Variants in PCBP3 observed in about 807,000 individuals in gnomAD.
PCBP3 encodes the protein poly(rC) binding protein 3, also known as poly(rC)-binding protein 3.
Under a neutral mutation model 52.7 loss-of-function variants are expected in PCBP3, and 25 were observed. The observed-to-expected ratio is 0.47, with a 90% confidence interval of 0.35 to 0.66. PCBP3 has a LOEUF of 0.66. Ranked by LOEUF, PCBP3 falls within the 30% of genes least tolerant of loss-of-function variation. PCBP3 has a pLI of 0.01. For synonymous variants in PCBP3, 162 were observed against 183.0 expected (o/e 0.89, Z 0.93); for missense variants, 391 against 490.3 (o/e 0.80, Z 1.91).
At position 45,817,563 on chromosome 21, in the gene PCBP3, G is replaced by A. The variant is rs2093003618; in HGVS notation, c.-125-32398G>A. 2.0e-5 allele frequency among the ~76,000 whole-genome samples: 3 copies of A among 152,216 alleles called. No homozygotes were observed. The highest frequency in any genetic ancestry group is 2.1e-4 in the South Asian group (1 of 4,834). ...TGCCTTTTGTCCTCAGCCCCCCAGCGAGGCAGCAGCTTGTGTGTGTGCTGC... is the reference window on the plus strand; with the variant it reads ...TGCCTTTTGTCCTCAGCCCCCCAGCAAGGCAGCAGCTTGTGTGTGTGCTGC... On this transcript the variant is annotated intron_variant, in intron 4 of 17. Transcript: ENST00000681687. This position sits in a 1 kb window ranked among gnomAD's most constrained non-coding sequence, Gnocchi z 4.3.
intron 5 of PCBP3, among the ~76,000 whole-genome samples, chr21:45,863,425 C>T (rs971942387): frequency 1.3e-5 from 2 of 152,222 alleles, no homozygotes; most frequent in Admixed American, 6.5e-5. Context: ...AGGGGCTTAG[C>T]TGCTGCGGCC....
chr21:45,816,779 A>G (rs2092977491), intron 4 of PCBP3, among the ~76,000 whole-genome samples: 1 of 151,446 alleles, frequency 6.6e-6, no homozygotes, highest in Non-Finnish European at 1.5e-5. Context: ...GTACACTAGA[A>G]TAATGGTAAA....
intron 4 of PCBP3, among the ~76,000 whole-genome samples, chr21:45,822,234 C>T (rs1306114051): frequency 6.6e-6 from 1 of 152,182 alleles, no homozygotes; most frequent in African/African-American, 2.4e-5. Flanking sequence ...ATCCTGGGAG[C>T]CATCGGGGTC....
At chr21:45,699,697 G>A (rs570258781) in intron 2 of PCBP3, among the ~76,000 whole-genome samples, 1 of 152,314 alleles carries the variant, frequency 6.6e-6, no homozygotes, top group African/African-American at 2.4e-5. Flanking sequence ...GTCTCACATG[G>A]CAACAGACAA....
At chr21:45,812,671 C>T (rs138163643) in intron 4 of PCBP3, among the ~76,000 whole-genome samples, 2,215 of 152,318 alleles carry the variant, frequency 0.015, 50 homozygotes, top group African/African-American at 0.05. Flanking sequence ...GGATTACAGG[C>T]GTGAGCCACC....
chr21:45,923,335 C>G (rs949132509), intron 13 of PCBP3, among the ~76,000 whole-genome samples: 4 of 152,216 alleles, frequency 2.6e-5, no homozygotes, highest in Admixed American at 2.0e-4. Flanking sequence ...GACCTTGCAG[C>G]TGCAAGTGGT....
intron 16 of PCBP3, among the ~76,000 whole-genome samples, chr21:45,939,559 C>T (rs1388790675): frequency 5.3e-5 from 8 of 152,254 alleles, no homozygotes; most frequent in East Asian, 1.9e-4. Flanking sequence ...TTCAAGCACA[C>T]GTTTCTTCTT....
At chr21:45,783,312 T>C (rs1057328264) in intron 4 of PCBP3, among the ~76,000 whole-genome samples, 1 of 152,348 alleles carries the variant, frequency 6.6e-6, no homozygotes, top group Admixed American at 6.5e-5. Context: ...TATTGATGTC[T>C]GTGTTATGTA....
rs577149154 is a variant in PCBP3, at chr21:45,657,899, T to A, written c.-278-10975T>A. Among the ~76,000 whole-genome samples, 308 of 152,340 alleles carry A rather than the reference T, an allele frequency of 2.0e-3. 2 individuals are homozygous for A. Among genetic ancestry groups the A allele is most frequent in the African/African-American group, 6.9e-3 (288 of 41,584 alleles). ...TTTGCTTCTAATCTGCATGCCTTTT[T>A]AAAATTTTTCTCATGTAATTGCCCT... is the stretch of plus-strand genomic sequence containing the variant. On this transcript the variant is annotated intron_variant, in intron 1 of 17. Coordinates refer to ENST00000681687, the MANE Select transcript of PCBP3 (RefSeq NM_001384156.1).
chr21:45,677,815 C>T (rs1207693902), intron 2 of PCBP3, among the ~76,000 whole-genome samples: 1 of 152,164 alleles, frequency 6.6e-6, no homozygotes, highest in African/African-American at 2.4e-5. Flanking sequence ...GATAACAGCA[C>T]ATCTTTATAG....
chr21:45,853,210 A>G lies in PCBP3; in HGVS notation c.10+3115A>G, dbSNP rs1262304667. On this transcript the variant is annotated intron_variant, in intron 5 of 17. Transcript: ENST00000681687. The surrounding 1 kb of genome is among the most constrained non-coding windows in gnomAD (Gnocchi z 4.6). ...CACGGGTTCATGGAGACAGATGCAC[A>G]CAGCATCTCCTTGTTGTGCTCCGTG... is the stretch of plus-strand genomic sequence containing the variant. Among the ~76,000 whole-genome samples, 1 of 152,180 alleles carries G rather than the reference A, an allele frequency of 6.6e-6. No individual in the cohort carries two copies. The highest frequency in any genetic ancestry group is 2.4e-5 in the African/African-American group (1 of 41,440).
At chr21:45,887,077 T>G (rs112406077) in intron 5 of PCBP3, among the ~76,000 whole-genome samples, 2 of 152,208 alleles carry the variant, frequency 1.3e-5, no homozygotes, top group African/African-American at 4.8e-5. Flanking sequence ...CCTTTTCTTG[T>G]CTGTGCCTGT....
intron 1 of PCBP3, among the ~76,000 whole-genome samples, chr21:45,645,421 G>T (rs1393059890): frequency 6.6e-6 from 1 of 152,110 alleles, no homozygotes; most frequent in African/African-American, 2.4e-5. Flanking sequence ...TAGAATTCAG[G>T]GCTTTTTGGC....
intron 1 of PCBP3, among the ~76,000 whole-genome samples, chr21:45,666,712 G>A (rs932990527): frequency 3.3e-5 from 5 of 151,262 alleles, no homozygotes; most frequent in African/African-American, 7.3e-5. Flanking sequence ...TGAGAAATCC[G>A]CTATTGTTCT....
intron 4 of PCBP3, among the ~76,000 whole-genome samples, chr21:45,814,791 AGTGAGTG>A (rs1569259046): frequency 9.2e-5 from 3 of 32,680 alleles, no homozygotes; most frequent in South Asian, 1.1e-3. Context: ...ATGAGTGGTG[AGTGAGTG>A]GTGAGTGGTG....
At chr21:45,897,973 C>T (rs1038244625) in intron 6 of PCBP3, among the ~76,000 whole-genome samples, 1 of 152,154 alleles carries the variant, frequency 6.6e-6, no homozygotes, top group Admixed American at 6.5e-5. Flanking sequence ...AGGAGGCTGC[C>T]GGAGGCTCTG....
rs1447178984 is a variant in PCBP3 at position 45,942,444 on chromosome 21, GC to G, written c.*742del. ...TCCTCAGAGTTCAATAAATGTCGTG[GC>G]CCCTCCTCACCGGCTCTGGCTTGTC... On this transcript the variant is annotated 3_prime_UTR_variant, in exon 18 of 18. Coordinates refer to ENST00000681687, the MANE Select transcript of PCBP3 (RefSeq NM_001384156.1). 2.6e-5 allele frequency: 4 copies of G among 152,150 alleles called. No individual in the cohort carries two copies. Among genetic ancestry groups the G allele is most frequent in the Non-Finnish European group, 5.9e-5 (4 of 68,072 alleles). The allele number at this position is 152,150 out of a possible 1,614,324, so 9.4% of individuals were successfully genotyped here.
At chr21:45,781,962 ATTC>A (rs1475996151) in intron 4 of PCBP3, among the ~76,000 whole-genome samples, 4 of 152,224 alleles carry the variant, frequency 2.6e-5, no homozygotes, top group Non-Finnish European at 5.9e-5. Context: ...TGGTCTGGCT[ATTC>A]TTACTCATCA....
intron 4 of PCBP3, among the ~76,000 whole-genome samples, chr21:45,840,413 C>T (rs1054749072): frequency 4.9e-4 from 72 of 146,336 alleles, no homozygotes; most frequent in African/African-American, 1.7e-3. Flanking sequence ...GCTGAGATTG[C>T]GCCACTGCAC....
Sources: gnomAD v4.1 joint callset for allele counts (sites outside exome capture counted in the v4.1 genomes callset) on GRCh38, gnomAD v4.1.1 for gene constraint, Gnocchi (gnomAD v3.1) non-coding constraint, MANE v1.5 for transcripts, NCBI Gene and HGNC (gene_info 2026-07-23, HGNC 2026-07-21) for gene names.